COL9A2: variants seen among roughly 807,000 people sequenced by gnomAD.
COL9A2 encodes the protein collagen alpha-2(IX) chain.
Under a neutral mutation model 111.6 loss-of-function variants are expected in COL9A2, and 66 were observed. The observed-to-expected ratio is 0.59, with a 90% CI of 0.48 to 0.73. The LOEUF (loss-of-function observed/expected upper bound fraction) is 0.73, where lower values mean the gene tolerates loss of function less well. Ranked by LOEUF, COL9A2 falls within the 30% of genes least tolerant of loss-of-function variation. COL9A2 has a pLI of 0.00. For missense variants in COL9A2, 881 were observed against 954.1 expected (o/e 0.92, Z 1.01); for synonymous variants, 353 against 364.1 (o/e 0.97, Z 0.35).
At position 40,310,353 on chromosome 1, in the gene COL9A2, CA is replaced by C; in HGVS notation, c.685-37del. The C allele has an allele frequency of 6.2e-7, 1 of 1,606,180 alleles. No individual in the cohort carries two copies. The highest frequency in any genetic ancestry group is 8.5e-7 in the Non-Finnish European group (1 of 1,173,270). On this transcript the variant is annotated intron_variant, in intron 13 of 31. Transcript: ENST00000372748. This position sits in a 1 kb window ranked among gnomAD's most constrained non-coding sequence, Gnocchi z 4.9. ...AGAAAAATGACAGCAATGGCAATTG[CA>C]AGGCCCACTTCATGATACCTTGTCT...
At position 40,310,020 on chromosome 1, in the gene COL9A2, G is replaced by A. The variant is rs1644094502; in HGVS notation, c.793-29C>T. 1 of 1,614,148 alleles carries A rather than the reference G, an allele frequency of 6.2e-7. No homozygotes were observed. Among genetic ancestry groups the A allele is most frequent in the Non-Finnish European group, 8.5e-7 (1 of 1,180,004 alleles). Reference sequence around the variant, plus strand: ...GCAAGAAAGACAAGCAGGAATCCAGGTCACACAGGCTCAGGGGGAGCCATG... The same window carrying A: ...GCAAGAAAGACAAGCAGGAATCCAGATCACACAGGCTCAGGGGGAGCCATG... On this transcript the variant is annotated intron_variant, in intron 15 of 31. Transcript: ENST00000372748. The surrounding 1 kb of genome is among the most constrained non-coding windows in gnomAD (Gnocchi z 4.9).
At position 40,310,342 on chromosome 1, in the gene COL9A2, A is replaced by G; in HGVS notation, c.685-25T>C. On this transcript the variant is annotated intron_variant, in intron 13 of 31. Coordinates refer to ENST00000372748, the MANE Select transcript of COL9A2 (RefSeq NM_001852.4). This position sits in a 1 kb window ranked among gnomAD's most constrained non-coding sequence, Gnocchi z 4.9. ...CCTGTTGAGAAAGAAAAATGACAGC[A>G]ATGGCAATTGCAAGGCCCACTTCAT... 6.2e-7 allele frequency: 1 copy of G among 1,613,182 alleles called. No homozygotes were observed.
At chr1:40,306,581 G>A (rs938145774) in intron 19 of COL9A2, among the ~76,000 whole-genome samples, 1 of 152,046 alleles carries the variant, frequency 6.6e-6, no homozygotes, top group Non-Finnish European at 1.5e-5. Context: ...GGCCCTGAAC[G>A]ATAAGAAGGC....
chr1:40,309,328 AAAG>A (rs1379995712), intron 16 of COL9A2, among the ~76,000 whole-genome samples: 1 of 152,128 alleles, frequency 6.6e-6, no homozygotes, highest in Non-Finnish European at 1.5e-5. Context: ...TTTAAAAAGA[AAAG>A]AAAATAATTT....
Position 40,316,264 on chromosome 1 carries a change from C to T in COL9A2, c.76-600G>A, listed in dbSNP as rs572019382. Among the ~76,000 whole-genome samples, 5 of 152,336 alleles carry T rather than the reference C, an allele frequency of 3.3e-5. No individual in the cohort carries two copies. The highest frequency in any genetic ancestry group is 7.4e-5 in the Non-Finnish European group (5 of 68,024). The stretch of plus-strand genomic sequence containing the variant: ...TACTATCTTCCCACTCGGAGCGCCC[C>T]TTCGGCAGCACAGCTGCCCGGTCCT... On this transcript the variant is annotated intron_variant, in intron 1 of 31. Coordinates refer to ENST00000372748, the MANE Select transcript of COL9A2 (RefSeq NM_001852.4). The surrounding 1 kb of genome is among the most constrained non-coding windows in gnomAD (Gnocchi z 5.5).
rs373454857 is a variant in COL9A2, at chr1:40,317,240, C to T, written c.-43G>A. 1,668 of 1,502,630 alleles carry T rather than the reference C, an allele frequency of 1.1e-3. 5 individuals are homozygous for T. Among genetic ancestry groups the T allele is most frequent in the Non-Finnish European group, 1.4e-3 (1,509 of 1,103,282 alleles). 93.1% of individuals were successfully genotyped at this position (1,502,630 alleles called of 1,614,324 possible). On this transcript the variant is annotated 5_prime_UTR_variant, in exon 1 of 32. The change creates a new upstream start codon in the 5' untranslated region. Coordinates refer to ENST00000372748, the MANE Select transcript of COL9A2 (RefSeq NM_001852.4). The surrounding 1 kb of genome is among the most constrained non-coding windows in gnomAD (Gnocchi z 4.3). Reference sequence around the variant, plus strand: ...AGGGGGACGGGTGCGTGTCCGCGCACGCACCGACGGCAGAGTCTCCCGGCG... The same window carrying T: ...AGGGGGACGGGTGCGTGTCCGCGCATGCACCGACGGCAGAGTCTCCCGGCG...
chr1:40,303,313 G>T lies in COL9A2; in HGVS notation c.1549-128C>A. ...TTGAGTCATTAATTCCCAAGCTGAG[G>T]AACAGATTGTACCTGGGCAGGGCCA... On this transcript the variant is annotated intron_variant, in intron 28 of 31. Coordinates refer to ENST00000372748, the MANE Select transcript of COL9A2 (RefSeq NM_001852.4). This position sits in a 1 kb window ranked among gnomAD's most constrained non-coding sequence, Gnocchi z 4.6. 8.5e-7 allele frequency: 1 copy of T among 1,175,938 alleles called. No individual in the cohort carries two copies. The highest frequency in any genetic ancestry group is 1.2e-6 in the Non-Finnish European group (1 of 813,602). 72.8% of individuals were successfully genotyped at this position (1,175,938 alleles called of 1,614,324 possible).
intron 24 of COL9A2, 88 bp downstream of exon 24, chr1:40,304,232 G>C (rs906989501): frequency 5.3e-5 from 81 of 1,527,732 alleles, no homozygotes; most frequent in Admixed American, 1.6e-4. Context: ...CGCAGGTTTG[G>C]AGGCTCCGGA....
At position 40,314,087 on chromosome 1, in the gene COL9A2, C is replaced by A; in HGVS notation, c.249+118G>T. 2.7e-6 allele frequency: 3 copies of A among 1,122,544 alleles called. No homozygotes were observed. The highest frequency in any genetic ancestry group is 2.5e-5 in the South Asian group (2 of 80,864). 69.5% of individuals were successfully genotyped at this position (1,122,544 alleles called of 1,614,324 possible). A position where few individuals can be genotyped will look rare whatever the true frequency, so the allele number is the denominator to read the frequency against. Reference sequence around the variant, plus strand: ...ATATCAAGGTGAGGGGGGCTCACAGCTGGAGAATCTCCATCCTGCTGCCCA... The same window carrying A: ...ATATCAAGGTGAGGGGGGCTCACAGATGGAGAATCTCCATCCTGCTGCCCA... On this transcript the variant is annotated intron_variant, in intron 4 of 31. Transcript: ENST00000372748. The surrounding 1 kb of genome is among the most constrained non-coding windows in gnomAD (Gnocchi z 4.1).
Position 40,301,284 on chromosome 1 carries a change from G to C in COL9A2, c.1968C>G (p.Gly656=), listed in dbSNP as rs765856534. The C allele has an allele frequency of 6.2e-6, 10 of 1,613,468 alleles. No individual in the cohort carries two copies. In the Admixed American group the frequency reaches 1.7e-4, roughly 27 times the overall value. The change falls in exon 32 of 32, where the codon GGC becomes GGG. Residue 656 remains glycine (G), a synonymous_variant. Coordinates refer to ENST00000372748, the MANE Select transcript of COL9A2 (RefSeq NM_001852.4). ...PGEAGRPGLP[G]PVGLPGFCEP... Reference sequence around the variant, plus strand: ...CACAGAAGCCCGGCAGCCCCACGGGGCCTGGCAGGCCAGGTCGACCTGCCT... The same window carrying C: ...CACAGAAGCCCGGCAGCCCCACGGGCCCTGGCAGGCCAGGTCGACCTGCCT...
intron 1 of COL9A2, 181 bp from the exon 2 acceptor site, chr1:40,315,845 A>G (rs1329079286): frequency 2.0e-6 from 1 of 510,928 alleles, no homozygotes; most frequent in African/African-American, 2.0e-5. Context: ...ATTATCTTAC[A>G]GAATACTCAG....
At position 40,303,954 on chromosome 1, in the gene COL9A2, C is replaced by G; in HGVS notation, c.1342G>C (p.Gly448Arg). ...RGKVGDPGVA[G>R]LPGEKGEKGE... ...TTCTCGCCTTTCTCTCCGGGGAGGC[C>G]GGCCACCCCTGGGTCACCCTGCAGA... The change falls in exon 26 of 32, where the codon GGC (glycine) becomes CGC (arginine). Residue 448 changes from glycine to arginine, a missense_variant. Physicochemically the swap from Gly to Arg is moderately radical, Grantham distance 125. Transcript: ENST00000372748. The surrounding 1 kb of genome is among the most constrained non-coding windows in gnomAD (Gnocchi z 4.6). 1 of 1,561,990 alleles carries G rather than the reference C, an allele frequency of 6.4e-7. No homozygotes were observed. Among genetic ancestry groups the G allele is most frequent in the Non-Finnish European group, 8.7e-7 (1 of 1,152,624 alleles).
rs1644234782 is a variant in COL9A2 at position 40,317,276 on chromosome 1, G to T, written c.-79C>A. On this transcript the variant is annotated 5_prime_UTR_variant, in exon 1 of 32. Transcript: ENST00000372748. The surrounding 1 kb of genome is among the most constrained non-coding windows in gnomAD (Gnocchi z 4.3). ...CAGAGTCTCCCGGCGCTCCTCCAGC[G>T]CTGGCTGTTCGCGGGCAGGGTGGGC... 7 of 1,085,742 alleles carry T rather than the reference G, an allele frequency of 6.4e-6. No homozygotes were observed. The highest frequency in any genetic ancestry group is 1.6e-5 in the African/African-American group (1 of 63,566). The allele number at this position is 1,085,742 out of a possible 1,614,324, so 67.3% of individuals were successfully genotyped here. A position where few individuals can be genotyped will look rare whatever the true frequency, so the allele number is the denominator to read the frequency against.
In COL9A2 at chr1:40,311,597, G is replaced by T. The variant is rs753754008; in HGVS notation, c.472-50C>A. The T allele has an allele frequency of 4.3e-6, 7 of 1,613,868 alleles. No homozygotes were observed. Among genetic ancestry groups the T allele is most frequent in the Middle Eastern group, 1.6e-4 (1 of 6,062 alleles). ...CTTGGCCTGACCCTTTCCCGCCGCA[G>T]GCTTGCTCAAAGACCCTTCTCCTTC... On this transcript the variant is annotated intron_variant, in intron 9 of 31. Transcript: ENST00000372748. The surrounding 1 kb of genome is among the most constrained non-coding windows in gnomAD (Gnocchi z 5.1).
chr1:40,303,696 G>A lies in COL9A2; in HGVS notation c.1402-20C>T. The A allele has an allele frequency of 6.5e-7, 1 of 1,549,946 alleles. No homozygotes were observed. The highest frequency in any genetic ancestry group is 8.7e-7 in the Non-Finnish European group (1 of 1,146,986). On this transcript the variant is annotated intron_variant, in intron 27 of 31. Transcript: ENST00000372748. The surrounding 1 kb of genome is among the most constrained non-coding windows in gnomAD (Gnocchi z 4.6). ...TCCTTGCTGCGGGGGGATGGGGGTG[G>A]GAGCAGAGCCGGGTGAGAAGGCGCC...
At position 40,303,170 on chromosome 1, in the gene COL9A2, C is replaced by A. The variant is rs150020975; in HGVS notation, c.1564G>T (p.Asp522Tyr). ...AGCGCCACATCCACGATGTGCTGGT[C>A]AGTGGCATCCCGGCCCTGAAAGCAG... is the stretch of plus-strand genomic sequence containing the variant. ...RQGVEGRDATDQHIVDVALKM... is the reference protein window; with the variant it reads ...RQGVEGRDATYQHIVDVALKM... The change falls in exon 29 of 32, where the codon GAC (aspartate) becomes TAC (tyrosine). Residue 522 changes from aspartate (D) to tyrosine (Y), a missense_variant. Transcript: ENST00000372748. This position sits in a 1 kb window ranked among gnomAD's most constrained non-coding sequence, Gnocchi z 4.6. 2.5e-6 allele frequency: 4 copies of A among 1,612,170 alleles called. No individual in the cohort carries two copies. Among genetic ancestry groups the A allele is most frequent in the Non-Finnish European group, 3.4e-6 (4 of 1,179,252 alleles).
chr1:40,315,784 C>G, intron 1 of COL9A2, 120 bp from the exon 2 acceptor site: 3 of 646,368 alleles, frequency 4.6e-6, no homozygotes, highest in Non-Finnish European at 8.2e-6. Flanking sequence ...CGAACTCCCA[C>G]GTATTGAGAA....
In COL9A2 at chr1:40,304,805, T is replaced by A. The variant is rs145327896; in HGVS notation, c.1150A>T (p.Met384Leu). 16 of 1,550,808 alleles carry A rather than the reference T, an allele frequency of 1.0e-5. No homozygotes were observed. Among genetic ancestry groups the A allele is most frequent in the African/African-American group, 1.4e-5 (1 of 73,060 alleles). Residue 384 changes from methionine (M) to leucine (L), a missense_variant, in exon 22 of 32, where the codon ATG becomes TTG. Physicochemically the swap from Met to Leu is conservative, Grantham distance 15. Transcript: ENST00000372748. ...TGCCAGGCACTTACCTTCTGTCCCATGATGCCCTGGGGACCAATTTCTCCT... is the reference window on the plus strand; with the variant it reads ...TGCCAGGCACTTACCTTCTGTCCCAAGATGCCCTGGGGACCAATTTCTCCT... Reference protein sequence around the residue: ...PRGEIGPQGIMGQKGDQGERG... With the variant: ...PRGEIGPQGILGQKGDQGERG...
chr1:40,310,643 C>A lies in COL9A2; in HGVS notation c.684+71G>T. On this transcript the variant is annotated intron_variant, in intron 13 of 31. Transcript: ENST00000372748. This position sits in a 1 kb window ranked among gnomAD's most constrained non-coding sequence, Gnocchi z 4.9. ...CTCTTTTACAAGCTAGAGGCCTGAG[C>A]AGGGGAATGACTCCATGAAGGGCTC... 7.5e-7 allele frequency: 1 copy of A among 1,325,332 alleles called. No homozygotes were observed. The highest frequency in any genetic ancestry group is 1.1e-6 in the Non-Finnish European group (1 of 939,936). The allele number at this position is 1,325,332 out of a possible 1,614,324, so 82.1% of individuals were successfully genotyped here. A position where few individuals can be genotyped will look rare whatever the true frequency, so the allele number is the denominator to read the frequency against.
Sources: gnomAD v4.1 joint callset for allele counts (sites outside exome capture counted in the v4.1 genomes callset) on GRCh38, gnomAD v4.1.1 for gene constraint, Gnocchi (gnomAD v3.1) non-coding constraint, MANE v1.5 for transcripts, NCBI Gene and HGNC (gene_info 2026-07-23, HGNC 2026-07-21) for gene names.